The following ASCC3 variants were observed in gnomAD, a reference collection of about 807,000 sequenced individuals.
ASCC3 encodes ASC-1 complex subunit P200.
ASCC3 carries 158 observed loss-of-function variants against 256.3 expected under a neutral mutation model. The ratio of observed to expected loss-of-function variants is 0.62; its 90% CI spans 0.54 to 0.70. The LOEUF (loss-of-function observed/expected upper bound fraction) is 0.70. Ranked by LOEUF, ASCC3 falls within the 30% of genes least tolerant of loss-of-function variation. ASCC3 has a pLI of 0.00. For synonymous variants in ASCC3, 948 were observed against 883.4 expected (o/e 1.07, Z -1.30); for missense variants, 2,259 against 2,626.0 (o/e 0.86, Z 3.05).
At chr6:100,544,601 GAAGA>G (rs1182466154) in intron 36 of ASCC3, among the ~76,000 whole-genome samples, 6 of 151,840 alleles carry the variant, frequency 4.0e-5, no homozygotes, top group Admixed American at 1.3e-4. Context: ...CAAAAAAAAA[GAAGA>G]AATAGAAAAC....
At chr6:100,808,647 G>A (rs1770307913) in intron 4 of ASCC3, among the ~76,000 whole-genome samples, 1 of 151,636 alleles carries the variant, frequency 6.6e-6, no homozygotes, top group Admixed American at 6.6e-5. Context: ...TACAGTTTTG[G>A]AAAATATAGT....
At chr6:100,853,996 T>C (rs1041961047) in intron 3 of ASCC3, among the ~76,000 whole-genome samples, 3 of 152,176 alleles carry the variant, frequency 2.0e-5, no homozygotes, top group African/African-American at 7.2e-5. Flanking sequence ...TTTTTCCCTC[T>C]ATATATTCCT....
chr6:100,518,738 AC>A (rs1774158645), intron 37 of ASCC3, among the ~76,000 whole-genome samples: 1 of 152,158 alleles, frequency 6.6e-6, no homozygotes, highest in Non-Finnish European at 1.5e-5. Flanking sequence ...TGTTTTATGG[AC>A]AAACAAAAGG....
chr6:100,587,044 G>A (rs1157739105), intron 36 of ASCC3, among the ~76,000 whole-genome samples: 2 of 152,118 alleles, frequency 1.3e-5, no homozygotes, highest in Non-Finnish European at 2.9e-5. Flanking sequence ...TGAGTGAATT[G>A]TACAAAAACA....
At chr6:100,684,310 G>A (rs763082741) in intron 13 of ASCC3, among the ~76,000 whole-genome samples, 1 of 152,126 alleles carries the variant, frequency 6.6e-6, no homozygotes, top group Admixed American at 6.5e-5. Context: ...TACAATGTAA[G>A]GGAAAACACT....
chr6:100,803,625 T>G (rs958252351), intron 5 of ASCC3, among the ~76,000 whole-genome samples: 2 of 152,116 alleles, frequency 1.3e-5, no homozygotes, highest in Non-Finnish European at 2.9e-5. Flanking sequence ...AAGTGTTCAA[T>G]ACACTCAAAG....
At chr6:100,588,676 C>G (rs558483347) in intron 36 of ASCC3, among the ~76,000 whole-genome samples, 1 of 152,176 alleles carries the variant, frequency 6.6e-6, no homozygotes, top group Admixed American at 6.5e-5. Context: ...TTCAAACTCA[C>G]TAAAATGTAC....
intron 4 of ASCC3, among the ~76,000 whole-genome samples, chr6:100,815,810 T>C (rs1582905260): frequency 6.6e-6 from 1 of 152,076 alleles, no homozygotes; most frequent in African/African-American, 2.4e-5. Context: ...CCTAAAACTA[T>C]AAAAATCCTG....
At chr6:100,637,374 T>C (rs1302417300) in intron 25 of ASCC3, among the ~76,000 whole-genome samples, 1 of 152,154 alleles carries the variant, frequency 6.6e-6, no homozygotes, top group Non-Finnish European at 1.5e-5. Flanking sequence ...AAGATTCCTT[T>C]CAAAATGTGA....
intron 13 of ASCC3, among the ~76,000 whole-genome samples, chr6:100,681,461 G>T (rs1269562464): frequency 1.3e-5 from 2 of 152,122 alleles, no homozygotes; most frequent in East Asian, 1.9e-4. Flanking sequence ...GGGCGTGGTG[G>T]CTCACACCTG....
At position 100,535,750 on chromosome 6, in the gene ASCC3, A is replaced by C. The variant is rs185111589; in HGVS notation, c.5775+4413T>G. 4.8e-4 allele frequency among the ~76,000 whole-genome samples: 73 copies of C among 152,202 alleles called. 1 individual carries two copies. The highest frequency in any genetic ancestry group is 1.7e-3 in the African/African-American group (69 of 41,538). On this transcript the variant is annotated intron_variant, in intron 37 of 41. Transcript: ENST00000369162. ...CCAAAGTGCTGGGATTATAGGCATG[A>C]GCCATGGCGCCCAGCAGAAGCTGGT...
At chr6:100,864,291 C>T (rs1773375673) in intron 2 of ASCC3, 77 bp from the exon 3 acceptor site, 1 of 1,311,606 alleles carries the variant, frequency 7.6e-7, no homozygotes, top group Non-Finnish European at 1.1e-6. Flanking sequence ...ATATATTTTG[C>T]ATTACATTAT....
intron 19 of ASCC3, among the ~76,000 whole-genome samples, chr6:100,651,249 G>A (rs1775654251): frequency 6.6e-6 from 1 of 151,726 alleles, no homozygotes; most frequent in Non-Finnish European, 1.5e-5. Context: ...GAATCATACA[G>A]GTACTTTTAC....
chr6:100,612,198 C>T (rs1450482979), intron 30 of ASCC3, among the ~76,000 whole-genome samples: 1 of 151,832 alleles, frequency 6.6e-6, no homozygotes, highest in Non-Finnish European at 1.5e-5. Context: ...AATATAGATT[C>T]CATTTAAGTA....
At position 100,590,040 on chromosome 6, in the gene ASCC3, C is replaced by T; in HGVS notation, c.5323G>A (p.Val1775Met). Residue 1775 changes from valine (V) to methionine (M), a missense_variant, in exon 35 of 42, where the codon GTG becomes ATG. By Grantham distance (21) the Val-to-Met change is conservative. Transcript: ENST00000369162. ...AACTTGTTCACAGAATCATGGCTCACATCACCCAAATTGTAATAGCTAGAA... is the reference window on the plus strand; with the variant it reads ...AACTTGTTCACAGAATCATGGCTCATATCACCCAAATTGTAATAGCTAGAA... ...MNPSYYNLGD[V>M]SHDSVNKFLS... 1 of 1,613,102 alleles carries T rather than the reference C, an allele frequency of 6.2e-7. No individual in the cohort carries two copies. The highest frequency in any genetic ancestry group is 1.3e-5 in the African/African-American group (1 of 74,988).
At chr6:100,749,112 A>G (rs967904979) in intron 10 of ASCC3, among the ~76,000 whole-genome samples, 4 of 152,048 alleles carry the variant, frequency 2.6e-5, no homozygotes. Flanking sequence ...GTTCTCCTCC[A>G]TATCAACTTA....
At chr6:100,646,890 G>A in intron 21 of ASCC3, 121 bp from the exon 22 acceptor site, 1 of 1,036,724 alleles carries the variant, frequency 9.6e-7, no homozygotes, top group Non-Finnish European at 1.5e-6. Flanking sequence ...TTGCTATGTA[G>A]AATAGCTGAC....
chr6:100,728,184 T>C (rs1779726787), intron 10 of ASCC3, among the ~76,000 whole-genome samples: 1 of 151,618 alleles, frequency 6.6e-6, no homozygotes, highest in Non-Finnish European at 1.5e-5. Flanking sequence ...AAACAATTAA[T>C]TGAAAATAAT....
chr6:100,798,454 T>C (rs1403597767), intron 8 of ASCC3, among the ~76,000 whole-genome samples: 1 of 151,992 alleles, frequency 6.6e-6, no homozygotes, highest in East Asian at 1.9e-4. Flanking sequence ...TTTGCATAAG[T>C]TAAACCAAAA....
Sources: gnomAD v4.1 joint callset for allele counts (sites outside exome capture counted in the v4.1 genomes callset) on GRCh38, gnomAD v4.1.1 for gene constraint, MANE v1.5 for transcripts, NCBI Gene and HGNC (gene_info 2026-07-23, HGNC 2026-07-21) for gene names.